The following TCERG1 variants were observed in gnomAD, a reference collection of about 807,000 sequenced individuals.
The protein encoded by TCERG1 is transcription elongation regulator 1.
In TCERG1, 37 loss-of-function variants were observed where a neutral mutation model predicts 144.7. The observed-to-expected ratio is 0.26, with a 90% CI of 0.20 to 0.34. The LOEUF (loss-of-function observed/expected upper bound fraction) is 0.34, where lower values mean the gene tolerates loss of function less well. Among genes scored for constraint, TCERG1 ranks in the 10% least tolerant of loss-of-function variants. The probability of loss-of-function intolerance (pLI) is 1.00; values close to 1 mark genes in which losing one functional copy is unlikely to be tolerated. For missense variants in TCERG1, 1,027 were observed against 1,380.7 expected (o/e 0.74, Z 4.06); for synonymous variants, 492 against 458.2 (o/e 1.07, Z -0.94).
intron 1 of TCERG1, among the ~76,000 whole-genome samples, chr5:146,448,273 AATTGGCGTTCT>A (rs1762065476): frequency 6.6e-6 from 1 of 152,168 alleles, no homozygotes; most frequent in East Asian, 1.9e-4. Flanking sequence ...CTGCAATCCC[AATTGGCGTTCT>A]ATTCGTCTAC....
intron 15 of TCERG1, 93 bp downstream of exon 15, chr5:146,483,722 G>A: frequency 2.2e-6 from 2 of 895,480 alleles, no homozygotes; most frequent in Non-Finnish European, 1.7e-6. Context: ...TTTTTTTTCT[G>A]ATACAGCATT....
rs150302420 is a variant in TCERG1 at position 146,462,716 on chromosome 5, A to G, written c.893-835A>G. On this transcript the variant is annotated intron_variant, in intron 4 of 22. Transcript: ENST00000679501. The stretch of plus-strand genomic sequence containing the variant: ...CCAGTTAGTCATTAGTTATTTGCTT[A>G]TCTTTTTCTGTTCTTTTCTTCCTAT... Among the ~76,000 whole-genome samples the G allele has an allele frequency of 1.1e-3, 166 of 152,194 alleles. 1 individual carries two copies. In the East Asian group the frequency reaches 0.029, roughly 26 times the overall value.
At chr5:146,504,426 A>G (rs1767760397) in intron 19 of TCERG1, 1 of 153,286 alleles carries the variant, frequency 6.5e-6, no homozygotes, top group Non-Finnish European at 1.5e-5. Flanking sequence ...CTGGAGGTGT[A>G]ACTGACTGCA....
Position 146,511,648 on chromosome 5 carries a change from A to T in TCERG1, c.*1006A>T, listed in dbSNP as rs1446200700. 1 of 152,672 alleles carries T rather than the reference A, an allele frequency of 6.5e-6. No individual in the cohort carries two copies. Among genetic ancestry groups the T allele is most frequent in the East Asian group, 1.9e-4 (1 of 5,198 alleles). 9.5% of individuals were successfully genotyped at this position (152,672 alleles called of 1,614,324 possible). A position where few individuals can be genotyped will look rare whatever the true frequency, so the allele number is the denominator to read the frequency against. ...ACCTAGTTTTTAAAGGTTTGAATAT[A>T]ATAATGCAGTATTTGCAGTATAAAA... On this transcript the variant is annotated 3_prime_UTR_variant, in exon 23 of 23. Transcript: ENST00000679501.
intron 4 of TCERG1, among the ~76,000 whole-genome samples, chr5:146,461,490 C>T (rs1028385882): frequency 2.0e-5 from 3 of 152,128 alleles, no homozygotes; most frequent in Admixed American, 2.0e-4. Context: ...TCTTAGATAC[C>T]ATTCTCCCAG....
chr5:146,458,129 G>A (rs1027343934), intron 3 of TCERG1, among the ~76,000 whole-genome samples: 1 of 152,054 alleles, frequency 6.6e-6, no homozygotes, highest in African/African-American at 2.4e-5. Context: ...GGGATTACAG[G>A]CGTGAGCCAC....
At chr5:146,494,733 T>C (rs1459716625) in intron 16 of TCERG1, among the ~76,000 whole-genome samples, 2 of 152,076 alleles carry the variant, frequency 1.3e-5, no homozygotes, top group African/African-American at 4.8e-5. Context: ...AGCTAGTAAA[T>C]ATAGAGCACC....
Position 146,478,511 on chromosome 5 carries a change from T to G in TCERG1, c.1620T>G (p.Gly540=). The part of the protein sequence containing the change: ...PGTPWCVVWT[G]DERVFFYNPT... ...TTCTTAGGTGTGTCGTTTGGACTGGTGATGAGCGGGTCTTCTTTTATAATC... is the reference window on the plus strand; with the variant it reads ...TTCTTAGGTGTGTCGTTTGGACTGGGGATGAGCGGGTCTTCTTTTATAATC... Residue 540 remains glycine (G), a synonymous_variant, in exon 10 of 23, where the codon GGT becomes GGG. Transcript: ENST00000679501. The G allele has an allele frequency of 6.2e-7, 1 of 1,602,694 alleles. No homozygotes were observed. Among genetic ancestry groups the G allele is most frequent in the Non-Finnish European group, 8.5e-7 (1 of 1,177,102 alleles).
intron 16 of TCERG1, among the ~76,000 whole-genome samples, chr5:146,494,846 A>G (rs1368271078): frequency 1.3e-5 from 2 of 152,136 alleles, no homozygotes; most frequent in South Asian, 2.1e-4. Context: ...TACCTCCCAC[A>G]GTCAGTTTCT....
chr5:146,505,679 C>T (rs1767919960), intron 19 of TCERG1: 1 of 151,466 alleles, frequency 6.6e-6, no homozygotes, highest in Admixed American at 6.6e-5. Context: ...CAGATTCGAT[C>T]TCACTGTTCC....
At chr5:146,483,490 A>G (rs373060507) in intron 14 of TCERG1, 50 bp from the exon 15 acceptor site, 2 of 1,522,694 alleles carry the variant, frequency 1.3e-6, no homozygotes, top group Admixed American at 1.8e-5. Context: ...TATGACCTTT[A>G]TATTTTTAGA....
In TCERG1 at chr5:146,496,979, T is replaced by G. The variant is rs535115470; in HGVS notation, c.2283-1557T>G. Among the ~76,000 whole-genome samples the G allele has an allele frequency of 1.1e-4, 16 of 150,742 alleles. No homozygotes were observed. The South Asian group carries it at 2.1e-3, about 20-fold the overall frequency. On this transcript the variant is annotated intron_variant, in intron 16 of 22. Transcript: ENST00000679501. Reference sequence around the variant, plus strand: ...ACCTCTGCCTCCTGGGTTTTTCTCTTGCCTCAGCCTCCTGAGTAGCTGGGA... The same window carrying G: ...ACCTCTGCCTCCTGGGTTTTTCTCTGGCCTCAGCCTCCTGAGTAGCTGGGA...
chr5:146,476,560 AT>A (rs1004649942), intron 9 of TCERG1, among the ~76,000 whole-genome samples: 1 of 152,136 alleles, frequency 6.6e-6, no homozygotes, highest in Non-Finnish European at 1.5e-5. Flanking sequence ...TTTAAAAAAA[AT>A]AATTATGGAA....
chr5:146,461,462 GGAATTTACCCACT>G (rs1195632952), intron 4 of TCERG1, among the ~76,000 whole-genome samples: 1 of 152,080 alleles, frequency 6.6e-6, no homozygotes, highest in Non-Finnish European at 1.5e-5. Flanking sequence ...GAAGTTAGTG[GGAATTTACCCACT>G]GAAGTCTTAG....
intron 17 of TCERG1, among the ~76,000 whole-genome samples, chr5:146,501,974 C>T (rs10477303): frequency 6.7e-6 from 1 of 148,886 alleles, no homozygotes; most frequent in African/African-American, 2.5e-5. Context: ...AGCTCACTGC[C>T]ACCTCTGCCT....
intron 15 of TCERG1, among the ~76,000 whole-genome samples, chr5:146,492,499 A>T (rs900661204): frequency 2.0e-5 from 3 of 152,198 alleles, no homozygotes; most frequent in Non-Finnish European, 4.4e-5. Context: ...GATGTAAAGC[A>T]TGATTACATT....
Position 146,463,712 on chromosome 5 carries a change from A to T in TCERG1, c.1054A>T (p.Thr352Ser). 2.5e-6 allele frequency: 4 copies of T among 1,614,160 alleles called. No homozygotes were observed. Among genetic ancestry groups the T allele is most frequent in the Non-Finnish European group, 3.4e-6 (4 of 1,180,028 alleles). ...PAVPHSVPQPTTAIPAFPPVM... is the reference protein window; with the variant it reads ...PAVPHSVPQPSTAIPAFPPVM... ...TGTTCCTCATTCAGTACCTCAGCCA[A>T]CAACAGCAATACCTGCTTTTCCACC... Residue 352 changes from threonine to serine, a missense_variant, in exon 5 of 23, where the codon ACA (threonine) becomes TCA (serine). Thr to Ser is a moderately conservative substitution (Grantham distance 58). This residue lies in a region of TCERG1 where 187 missense variants were observed against 169.1 expected (regional missense o/e 1.11). Transcript: ENST00000679501.
chr5:146,494,735 T>G (rs996914053), intron 16 of TCERG1, among the ~76,000 whole-genome samples: 5 of 152,094 alleles, frequency 3.3e-5, no homozygotes, highest in African/African-American at 1.2e-4. Context: ...CTAGTAAATA[T>G]AGAGCACCAG....
chr5:146,473,750 T>C (rs1227115546), intron 9 of TCERG1, among the ~76,000 whole-genome samples: 1 of 152,196 alleles, frequency 6.6e-6, no homozygotes, highest in African/African-American at 2.4e-5. Context: ...TATCTGTTGA[T>C]AGCATGGTTT....
Sources: allele counts gnomAD v4.1 joint callset (sites outside exome capture counted in the v4.1 genomes callset), GRCh38; gene constraint gnomAD v4.1.1; regional missense constraint gnomAD v4.1.1; transcripts MANE v1.5; gene names NCBI Gene and HGNC (gene_info 2026-07-23, HGNC 2026-07-21).